Variants in ZNF217 observed in about 807,000 individuals in gnomAD.
The protein encoded by ZNF217 is zinc finger protein 217.
A neutral mutation model predicts 73.3 loss-of-function variants in ZNF217; 12 were observed. That is an observed-to-expected ratio of 0.16 (90% CI 0.10 to 0.27). The LOEUF (loss-of-function observed/expected upper bound fraction) is 0.27. ZNF217 is among the 10% of genes least tolerant of loss of function. The pLI is 1.00. For missense variants in ZNF217, 1,195 were observed against 1,327.8 expected (o/e 0.90, Z 1.55); for synonymous variants, 588 against 516.4 (o/e 1.14, Z -1.88).
At chr20:53,586,121 T>A (rs144342664) in intron 1 of ZNF217, among the ~76,000 whole-genome samples, 1,720 of 152,246 alleles carry the variant, frequency 0.011, 34 homozygotes, top group African/African-American at 0.039. Flanking sequence ...TAACTGTCTT[T>A]TTCTAAAAGT....
chr20:53,582,486 C>T lies in ZNF217; in HGVS notation c.341G>A (p.Arg114Gln), dbSNP rs759892207. The T allele has an allele frequency of 1.3e-5, 21 of 1,614,010 alleles. No individual in the cohort carries two copies. The highest frequency in any genetic ancestry group is 6.7e-5 in the East Asian group (3 of 44,896). Reference protein sequence around the residue: ...YLSPLDKSQVRTEPPKEKNCK... With the variant: ...YLSPLDKSQVQTEPPKEKNCK... ...ATTCTTTTCCTTGGGAGGTTCTGTT[C>T]GCACTTGACTTTTATCAAGCGGACT... Residue 114 changes from arginine (R) to glutamine (Q), a missense_variant, in exon 2 of 6, where the codon CGA (arginine) becomes CAA (glutamine). Physicochemically the swap from Arg to Gln is conservative, Grantham distance 43. Coordinates refer to ENST00000371471, the MANE Select transcript of ZNF217 (RefSeq NM_006526.3). The surrounding 1 kb of genome is among the most constrained non-coding windows in gnomAD (Gnocchi z 4.8).
rs779025656 is a variant in ZNF217, at chr20:53,582,112, T to C, written c.715A>G (p.Thr239Ala). 1.9e-6 allele frequency: 3 copies of C among 1,614,084 alleles called. No individual in the cohort carries two copies. Among genetic ancestry groups the C allele is most frequent in the South Asian group, 1.1e-5 (1 of 91,092 alleles). ...ESLIEHRKVH[T>A]KKTAFGTSSA... ...CTGGTACCGAAAGCAGTTTTTTTGG[T>C]GTGCACCTTGCGGTGCTCAATTAGA... Residue 239 changes from threonine (T) to alanine (A), a missense_variant, in exon 2 of 6, where the codon ACC (threonine) becomes GCC (alanine). Physicochemically the swap from Thr to Ala is moderately conservative, Grantham distance 58. Transcript: ENST00000371471. This position sits in a 1 kb window ranked among gnomAD's most constrained non-coding sequence, Gnocchi z 4.8.
intron 1 of ZNF217, among the ~76,000 whole-genome samples, chr20:53,586,101 T>C (rs1380265889): frequency 2.0e-5 from 3 of 152,172 alleles, no homozygotes; most frequent in African/African-American, 7.2e-5. Context: ...CCATCCTGTT[T>C]GTTTGCTTGT....
Position 53,588,641 on chromosome 20 carries a change from A to C in ZNF217, c.-343+5115T>G, listed in dbSNP as rs1000215499. Among the ~76,000 whole-genome samples the C allele has an allele frequency of 7.2e-4, 108 of 150,620 alleles. 1 individual carries two copies. Among genetic ancestry groups the C allele is most frequent in the South Asian group, 3.6e-3 (17 of 4,766 alleles). On this transcript the variant is annotated intron_variant, in intron 1 of 5. Transcript: ENST00000371471. ...ATATATATATACACACACACACACA[A>C]CTATGCCCACTACTAGACCACTACA...
intron 1 of ZNF217, among the ~76,000 whole-genome samples, chr20:53,584,737 A>C (rs1988628909): frequency 6.6e-6 from 1 of 152,264 alleles, no homozygotes. Flanking sequence ...ATAGAGCTAC[A>C]CATTGAAAAG....
intron 1 of ZNF217, among the ~76,000 whole-genome samples, chr20:53,590,414 A>ATT (rs199954476): frequency 6.6e-6 from 1 of 150,438 alleles, no homozygotes; most frequent in Non-Finnish European, 1.5e-5. Flanking sequence ...GACAATTTGA[A>ATT]TTTTTTTTTT....
In ZNF217 at chr20:53,576,556, A is replaced by G. The variant is rs775218799; in HGVS notation, c.2208T>C (p.Asn736=). The G allele has an allele frequency of 6.2e-7, 1 of 1,614,214 alleles. No individual in the cohort carries two copies. Among genetic ancestry groups the G allele is most frequent in the Non-Finnish European group, 8.5e-7 (1 of 1,180,044 alleles). The change falls in exon 4 of 6, where the codon AAT becomes AAC. Residue 736 remains asparagine, a synonymous_variant. Coordinates refer to ENST00000371471, the MANE Select transcript of ZNF217 (RefSeq NM_006526.3). ...MMHQRLEHKY[N]PDVHKNCRNK... Reference sequence around the variant, plus strand: ...TTCGACAGTTTTTATGAACGTCAGGATTGTATTTATGCTCCAGTCTCTGGT... The same window carrying G: ...TTCGACAGTTTTTATGAACGTCAGGGTTGTATTTATGCTCCAGTCTCTGGT...
intron 1 of ZNF217, among the ~76,000 whole-genome samples, chr20:53,590,240 G>A (rs1249410584): frequency 1.3e-5 from 2 of 152,130 alleles, no homozygotes; most frequent in Middle Eastern, 6.4e-3. Context: ...CTTGAAAACA[G>A]CCATTGCTCA....
intron 4 of ZNF217, 107 bp from the exon 5 acceptor site, chr20:53,571,960 T>A: frequency 8.8e-7 from 1 of 1,141,704 alleles, no homozygotes; most frequent in East Asian, 2.7e-5. Flanking sequence ...GATAATGTAA[T>A]CAACGCCTAA....
At chr20:53,585,368 T>G (rs1251569953) in intron 1 of ZNF217, among the ~76,000 whole-genome samples, 5 of 152,158 alleles carry the variant, frequency 3.3e-5, no homozygotes, top group African/African-American at 1.2e-4. Flanking sequence ...GAGACCAGCC[T>G]GGCCAACATG....
At position 53,567,739 on chromosome 20, in the gene ZNF217, T is replaced by C. The variant is rs898346787; in HGVS notation, c.*1549A>G. Reference sequence around the variant, plus strand: ...CACTTTCCTGATACAAAGCACTTCATTGCAATGCCAACAGACTGATCTCAA... The same window carrying C: ...CACTTTCCTGATACAAAGCACTTCACTGCAATGCCAACAGACTGATCTCAA... On this transcript the variant is annotated 3_prime_UTR_variant, in exon 6 of 6. Transcript: ENST00000371471. 2 of 152,560 alleles carry C rather than the reference T, an allele frequency of 1.3e-5. No individual in the cohort carries two copies. Among genetic ancestry groups the C allele is most frequent in the Non-Finnish European group, 2.9e-5 (2 of 68,030 alleles). 9.5% of individuals were successfully genotyped at this position (152,560 alleles called of 1,614,324 possible). A position where few individuals can be genotyped will look rare whatever the true frequency, so the allele number is the denominator to read the frequency against.
At chr20:53,573,933 T>A (rs1398449120) in intron 4 of ZNF217, among the ~76,000 whole-genome samples, 2 of 151,978 alleles carry the variant, frequency 1.3e-5, no homozygotes, top group Non-Finnish European at 2.9e-5. Flanking sequence ...TAGGCTGGCG[T>A]GGCGGTGGGT....
In ZNF217 at chr20:53,576,836, G is replaced by A. The variant is rs760898329; in HGVS notation, c.1928C>T (p.Thr643Ile). 1.9e-6 allele frequency: 3 copies of A among 1,614,100 alleles called. No individual in the cohort carries two copies. The East Asian group carries it at 6.7e-5, about 36-fold the overall frequency. Residue 643 changes from threonine (T) to isoleucine (I), a missense_variant, in exon 4 of 6, where the codon ACC (threonine) becomes ATC (isoleucine). Thr to Ile is a moderately conservative substitution (Grantham distance 89). This residue lies in a region of ZNF217 where 649 missense variants were observed against 642.8 expected (regional missense o/e 1.01). Transcript: ENST00000371471. Reference protein sequence around the residue: ...ETQANNLICRTKADVTPPPDG... With the variant: ...ETQANNLICRIKADVTPPPDG... Reference sequence around the variant, plus strand: ...CGGAGGAGGAGTAACATCCGCCTTGGTTCTACAGATGAGGTTATTTGCCTG... The same window carrying A: ...CGGAGGAGGAGTAACATCCGCCTTGATTCTACAGATGAGGTTATTTGCCTG...
intron 1 of ZNF217, among the ~76,000 whole-genome samples, chr20:53,586,031 C>A (rs200915771): frequency 1.3e-5 from 2 of 152,158 alleles, no homozygotes; most frequent in Admixed American, 6.5e-5. Context: ...CCCTACCCCC[C>A]CAAAGTATTG....
rs1000531146 is a variant in ZNF217 at position 53,581,300 on chromosome 20, A to G, written c.1366+161T>C. On this transcript the variant is annotated intron_variant, in intron 2 of 5. Transcript: ENST00000371471. The surrounding 1 kb of genome is among the most constrained non-coding windows in gnomAD (Gnocchi z 4.9). Reference sequence around the variant, plus strand: ...GAAAATTAAGGCCCTGAGAGGTTAAATGACTTACACAGAGTGATACCAAAA... The same window carrying G: ...GAAAATTAAGGCCCTGAGAGGTTAAGTGACTTACACAGAGTGATACCAAAA... Among the ~76,000 whole-genome samples, 1 of 152,206 alleles carries G rather than the reference A, an allele frequency of 6.6e-6. No individual in the cohort carries two copies. The highest frequency in any genetic ancestry group is 1.5e-5 in the Non-Finnish European group (1 of 68,032).
At chr20:53,587,523 G>A (rs6091709) in intron 1 of ZNF217, among the ~76,000 whole-genome samples, 4,531 of 152,150 alleles carry the variant, frequency 0.03, 184 homozygotes, top group East Asian at 0.15. Flanking sequence ...ATCTTACATT[G>A]TTGATATGGA....
intron 4 of ZNF217, among the ~76,000 whole-genome samples, chr20:53,572,425 GA>G (rs113493470): frequency 0.012 from 1,813 of 150,090 alleles, 36 homozygotes; most frequent in African/African-American, 0.042. Context: ...CAGAGGAGGG[GA>G]AAAAAAAAAG....
At chr20:53,593,976 G>T (rs976892969), upstream of ZNF217, 8 of 151,050 alleles carry the variant, frequency 5.3e-5, no homozygotes, top group African/African-American at 1.9e-4. Flanking sequence ...AAGACACGGG[G>T]AGCCGCGGGC....
chr20:53,594,727 G>A (rs905368417), upstream of ZNF217, among the ~76,000 whole-genome samples: 8 of 152,084 alleles, frequency 5.3e-5, no homozygotes, highest in Admixed American at 1.3e-4. Flanking sequence ...GCGCGGGCGA[G>A]GGGAGGGGCC....
Sources: gnomAD v4.1 joint callset for allele counts (sites outside exome capture counted in the v4.1 genomes callset) on GRCh38, gnomAD v4.1.1 for gene constraint, gnomAD v4.1.1 regional missense constraint, Gnocchi (gnomAD v3.1) non-coding constraint, MANE v1.5 for transcripts, NCBI Gene and HGNC (gene_info 2026-07-23, HGNC 2026-07-21) for gene names.